Variants in DSCAM observed in about 807,000 individuals in gnomAD.
DSCAM encodes DS cell adhesion molecule.
DSCAM carries 47 observed loss-of-function variants against 217.7 expected under a neutral mutation model. That is an observed-to-expected ratio of 0.22 (90% CI 0.17 to 0.28). DSCAM has a LOEUF of 0.28. Among genes scored for constraint, DSCAM ranks in the 10% least tolerant of loss-of-function variants. The probability of loss-of-function intolerance (pLI) is 1.00; values close to 1 mark genes in which losing one functional copy is unlikely to be tolerated. For missense variants in DSCAM, 2,080 were observed against 2,618.3 expected (o/e 0.79, Z 4.49); for synonymous variants, 1,056 against 1,015.3 (o/e 1.04, Z -0.76).
At chr21:40,617,703 T>G (rs1259855198) in intron 3 of DSCAM, among the ~76,000 whole-genome samples, 1 of 152,218 alleles carries the variant, frequency 6.6e-6, no homozygotes, top group Non-Finnish European at 1.5e-5. Context: ...GTCGTTATGG[T>G]TGAAACTGTC....
chr21:40,176,150 A>G (rs970602782), intron 15 of DSCAM, among the ~76,000 whole-genome samples: 74 of 152,140 alleles, frequency 4.9e-4, no homozygotes, highest in Admixed American at 5.2e-4. Context: ...GGAGGAAGGC[A>G]TTCTTGAACT....
intron 16 of DSCAM, among the ~76,000 whole-genome samples, chr21:40,166,706 C>G (rs527831695): frequency 1.3e-5 from 2 of 152,200 alleles, no homozygotes; most frequent in African/African-American, 4.8e-5. Flanking sequence ...ATGGGCCACA[C>G]ATGGGGTAGC....
chr21:40,756,220 C>G (rs747906161), intron 1 of DSCAM, among the ~76,000 whole-genome samples: 1 of 152,154 alleles, frequency 6.6e-6, no homozygotes, highest in Admixed American at 6.5e-5. Context: ...CACCTCCCCC[C>G]TCTCTTCCTC....
chr21:40,212,052 T>C (rs2091190422), intron 11 of DSCAM, among the ~76,000 whole-genome samples: 1 of 151,810 alleles, frequency 6.6e-6, no homozygotes, highest in South Asian at 2.1e-4. Context: ...TCTCTGCAGC[T>C]TCCGCCTCCC....
intron 32 of DSCAM, among the ~76,000 whole-genome samples, chr21:40,041,510 C>T (rs374812455): frequency 1.7e-4 from 26 of 152,282 alleles, no homozygotes; most frequent in East Asian, 1.5e-3. Flanking sequence ...TTTCCACTTG[C>T]GATCAGTTGG....
At chr21:40,029,360 GC>G (rs1489489769) in intron 32 of DSCAM, among the ~76,000 whole-genome samples, 1 of 145,426 alleles carries the variant, frequency 6.9e-6, no homozygotes, top group Non-Finnish European at 1.6e-5. Context: ...CTGTGCTCAT[GC>G]CCTCTGGGCC....
At chr21:40,785,698 C>A (rs2091587358) in intron 1 of DSCAM, among the ~76,000 whole-genome samples, 1 of 152,136 alleles carries the variant, frequency 6.6e-6, no homozygotes, top group African/African-American at 2.4e-5. Context: ...TTTATTCATT[C>A]ATTCAGTCAT....
chr21:40,395,365 T>C (rs1569102651), intron 3 of DSCAM, among the ~76,000 whole-genome samples: 1 of 152,068 alleles, frequency 6.6e-6, no homozygotes, highest in Non-Finnish European at 1.5e-5. Flanking sequence ...GATCAAAAAT[T>C]TGAGTCTCTT....
At position 40,511,595 on chromosome 21, in the gene DSCAM, A is replaced by C. The variant is rs565728697; in HGVS notation, c.509-142350T>G. ...AGTTCTAATATTCATGAGTCTACAA[A>C]TTTTATAATTCTTTATAGAGTAAAG... On this transcript the variant is annotated intron_variant, in intron 3 of 32. Coordinates refer to ENST00000400454, the MANE Select transcript of DSCAM (RefSeq NM_001389.5). Among the ~76,000 whole-genome samples, 28 of 152,258 alleles carry C rather than the reference A, an allele frequency of 1.8e-4. 2 individuals are homozygous for C. In the South Asian group the frequency reaches 4.4e-3, roughly 24 times the overall value.
chr21:40,675,048 T>C (rs990618049), intron 3 of DSCAM, among the ~76,000 whole-genome samples: 7 of 151,414 alleles, frequency 4.6e-5, no homozygotes, highest in African/African-American at 1.7e-4. Flanking sequence ...CGCACACACG[T>C]ACACACGATG....
intron 3 of DSCAM, among the ~76,000 whole-genome samples, chr21:40,667,170 T>C (rs1411914768): frequency 6.6e-6 from 1 of 152,106 alleles, no homozygotes; most frequent in East Asian, 1.9e-4. Flanking sequence ...CCTGTGTGGG[T>C]CTTAAAATTC....
intron 14 of DSCAM, among the ~76,000 whole-genome samples, chr21:40,183,116 C>A (rs565883236): frequency 0.013 from 890 of 68,964 alleles, 255 homozygotes; most frequent in South Asian, 0.021. Context: ...ACCAGAGAAA[C>A]CGTGGACAGG....
chr21:40,678,642 C>T (rs1334244506), intron 3 of DSCAM, among the ~76,000 whole-genome samples: 1 of 152,166 alleles, frequency 6.6e-6, no homozygotes. Context: ...AGCTTCTCCA[C>T]ACAGAAATTC....
chr21:40,054,776 C>G (rs1015817582), intron 29 of DSCAM, among the ~76,000 whole-genome samples: 6 of 152,200 alleles, frequency 3.9e-5, no homozygotes, highest in Admixed American at 2.6e-4. Flanking sequence ...TGGAGACAGA[C>G]AGCATGGCGG....
rs35756323 is a variant in DSCAM at position 40,363,252 on chromosome 21, C to CTTTTT, written c.655+5842_655+5846dup. Among the ~76,000 whole-genome samples, 8 of 116,160 alleles carry CTTTTT rather than the reference C, an allele frequency of 6.9e-5. 1 individual carries two copies. The highest frequency in any genetic ancestry group is 1.6e-4 in the African/African-American group (5 of 30,446). The allele number at this position is 116,160 out of a possible 152,430, so 76.2% of individuals were successfully genotyped here. On this transcript the variant is annotated intron_variant, in intron 4 of 32. Coordinates refer to ENST00000400454, the MANE Select transcript of DSCAM (RefSeq NM_001389.5). ...GTGTGTACCAATAGTTTTTTGTGTTCTTTTTTTTTTTTTTTTTTGAGATGG... is the reference window on the plus strand; with the variant it reads ...GTGTGTACCAATAGTTTTTTGTGTTCTTTTTTTTTTTTTTTTTTTTTTTGAGATGG...
intron 1 of DSCAM, among the ~76,000 whole-genome samples, chr21:40,783,872 T>TA (rs1195246880): frequency 6.6e-6 from 1 of 152,128 alleles, no homozygotes; most frequent in Non-Finnish European, 1.5e-5. Context: ...CAAAGTAGCC[T>TA]AAAAAATCGC....
rs566956355 is a variant in DSCAM at position 40,390,417 on chromosome 21, T to G, written c.509-21172A>C. ...GAATAATTCATGGAGAGAAGGTGGA[T>G]AGCCTTGGGTTAGCTGATTGCTGAT... On this transcript the variant is annotated intron_variant, in intron 3 of 32. Transcript: ENST00000400454. Among the ~76,000 whole-genome samples the G allele has an allele frequency of 3.3e-5, 5 of 152,304 alleles. No homozygotes were observed. The East Asian group carries it at 7.7e-4, about 24-fold the overall frequency.
intron 32 of DSCAM, among the ~76,000 whole-genome samples, chr21:40,018,032 G>GATGAAAT (rs3988431): frequency 0.92 from 139,357 of 151,904 alleles, 64,143 homozygotes; most frequent in Middle Eastern, 0.97. Context: ...GTTCCTGAAA[G>GATGAAAT]AATTTGAGTT....
chr21:40,575,102 AAAG>A (rs1254932431), intron 3 of DSCAM, among the ~76,000 whole-genome samples: 16 of 149,022 alleles, frequency 1.1e-4, no homozygotes, highest in African/African-American at 3.4e-4. Flanking sequence ...TTCCACCACA[AAAG>A]AAGTGAAAAT....
Sources: allele counts gnomAD v4.1 joint callset (sites outside exome capture counted in the v4.1 genomes callset), GRCh38; gene constraint gnomAD v4.1.1; transcripts MANE v1.5; gene names NCBI Gene and HGNC (gene_info 2026-07-23, HGNC 2026-07-21).